The following NELL1 variants were observed in gnomAD, a reference collection of about 807,000 sequenced individuals.
The protein encoded by NELL1 is protein kinase C-binding protein NELL1.
NELL1 carries 76 observed loss-of-function variants against 107.4 expected under a neutral mutation model. The observed-to-expected ratio is 0.71, with a 90% CI of 0.59 to 0.86. The LOEUF is 0.86. NELL1 is among the 40% of genes least tolerant of loss of function. The pLI is 0.00. For missense variants in NELL1, 1,024 were observed against 1,005.5 expected, an observed-to-expected ratio of 1.02 and a Z score of -0.25; for synonymous variants, 353 against 341.2, an observed-to-expected ratio of 1.03 and a Z score of -0.38.
intron 2 of NELL1, among the ~76,000 whole-genome samples, chr11:20,754,471 G>A (rs1215898216): frequency 1.3e-5 from 2 of 152,050 alleles, no homozygotes; most frequent in Admixed American, 1.3e-4. Flanking sequence ...GCACGAACAC[G>A]TCACAGTTGT....
intron 2 of NELL1, among the ~76,000 whole-genome samples, chr11:20,705,634 G>C (rs1854927294): frequency 7.0e-6 from 1 of 142,270 alleles, no homozygotes; most frequent in Non-Finnish European, 1.6e-5. Context: ...AACACCAAAA[G>C]CAATGGCAAC....
intron 5 of NELL1, among the ~76,000 whole-genome samples, chr11:20,913,748 G>T (rs914980812): frequency 6.7e-6 from 1 of 148,624 alleles, no homozygotes; most frequent in Non-Finnish European, 1.5e-5. Context: ...GCACCTTAGG[G>T]ATTTATTTAA....
intron 17 of NELL1, among the ~76,000 whole-genome samples, chr11:21,566,553 C>T (rs1036078792): frequency 2.6e-5 from 4 of 151,764 alleles, no homozygotes; most frequent in Non-Finnish European, 5.9e-5. Context: ...ATTGAACTTG[C>T]AGTATAAAAT....
intron 15 of NELL1, among the ~76,000 whole-genome samples, chr11:21,502,940 T>C (rs1163997780): frequency 1.3e-5 from 2 of 152,220 alleles, no homozygotes; most frequent in East Asian, 1.9e-4. Flanking sequence ...TGGAGTGCAA[T>C]GGCATGATCT....
intron 4 of NELL1, among the ~76,000 whole-genome samples, chr11:20,878,955 C>A (rs891076202): frequency 6.6e-6 from 1 of 152,092 alleles, no homozygotes; most frequent in African/African-American, 2.4e-5. Context: ...GGAGACTGAC[C>A]AGGTGGTTAG....
chr11:21,169,950 G>T lies in NELL1; in HGVS notation c.1426+56236G>T, dbSNP rs1377606789. 2.7e-6 allele frequency: 4 copies of T among 1,456,980 alleles called. No homozygotes were observed. The African/African-American group carries it at 4.2e-5, about 15-fold the overall frequency. The allele number at this position is 1,456,980 out of a possible 1,614,324, so 90.3% of individuals were successfully genotyped here. On this transcript the variant is annotated intron_variant, in intron 13 of 19. Coordinates refer to ENST00000357134, the MANE Select transcript of NELL1 (RefSeq NM_006157.5). ...AGGAGGAAGTGCGGCTGGACCAAGA[G>T]CCCTCTCTTTGTAGGGGACAGGGAC... is the stretch of plus-strand genomic sequence containing the variant.
At chr11:20,707,589 G>A (rs1854999625) in intron 2 of NELL1, among the ~76,000 whole-genome samples, 2 of 152,350 alleles carry the variant, frequency 1.3e-5, no homozygotes, top group South Asian at 2.1e-4. Context: ...CCTTCTAACA[G>A]TCAGGACCCT....
chr11:21,496,000 GCTTT>G (rs1335528842), intron 15 of NELL1, among the ~76,000 whole-genome samples: 1 of 151,896 alleles, frequency 6.6e-6, no homozygotes, highest in African/African-American at 2.4e-5. Flanking sequence ...ACTTGTTATT[GCTTT>G]CTATTTTGAA....
intron 15 of NELL1, among the ~76,000 whole-genome samples, chr11:21,512,573 C>G (rs987395620): frequency 6.6e-6 from 1 of 152,124 alleles, no homozygotes; most frequent in Non-Finnish European, 1.5e-5. Flanking sequence ...TCTAATTCAA[C>G]TTTGTGCCCC....
chr11:21,422,053 C>A (rs1003697144), intron 15 of NELL1, among the ~76,000 whole-genome samples: 9 of 151,586 alleles, frequency 5.9e-5, no homozygotes, highest in Admixed American at 1.3e-4. Context: ...CTGGAAAAAA[C>A]CAACCTTCAT....
chr11:21,280,614 T>C (rs954460064), intron 14 of NELL1, among the ~76,000 whole-genome samples: 4 of 152,076 alleles, frequency 2.6e-5, no homozygotes, highest in African/African-American at 9.7e-5. Context: ...TGAACTTTAG[T>C]AACACCAGCC....
In NELL1 at chr11:21,148,883, T is replaced by C. The variant is rs138685457; in HGVS notation, c.1426+35169T>C. On this transcript the variant is annotated intron_variant, in intron 13 of 19. Transcript: ENST00000357134. ...ATATTACATTACCTTAGGGGCCACA[T>C]TGTGGTCCTGGAACATAAATTCTGC... 2.1e-3 allele frequency among the ~76,000 whole-genome samples: 320 copies of C among 152,312 alleles called. 1 individual carries two copies. Among genetic ancestry groups the C allele is most frequent in the African/African-American group, 7.3e-3 (303 of 41,568 alleles).
At position 20,960,430 on chromosome 11, in the gene NELL1, A is replaced by G; in HGVS notation, c.1172-2A>G. On this transcript the variant is annotated splice_acceptor_variant, in intron 11 of 19. Transcript: ENST00000357134. LOFTEE classifies it high-confidence loss of function. Reference sequence around the variant, plus strand: ...ATGTACGTTTTTATTTGTTTTTTCTAGGTCATAACTTTTGTGCAGAAGGAC... The same window carrying G: ...ATGTACGTTTTTATTTGTTTTTTCTGGGTCATAACTTTTGTGCAGAAGGAC... The G allele has an allele frequency of 2.5e-6, 4 of 1,611,904 alleles. No individual in the cohort carries two copies. Among genetic ancestry groups the G allele is most frequent in the Non-Finnish European group, 2.5e-6 (3 of 1,179,284 alleles).
chr11:21,272,674 T>C (rs939783912), intron 14 of NELL1, among the ~76,000 whole-genome samples: 15 of 152,292 alleles, frequency 9.8e-5, no homozygotes, highest in Non-Finnish European at 2.1e-4. Context: ...GACTGACACC[T>C]CACACGGCCT....
At chr11:21,278,048 TA>T (rs36110638) in intron 14 of NELL1, among the ~76,000 whole-genome samples, 132,799 of 151,448 alleles carry the variant, frequency 0.88, 58,671 homozygotes, top group Middle Eastern at 0.95. Context: ...TGAAGTATAA[TA>T]AAAAAAAAAG....
At chr11:21,097,229 A>T (rs1854665518) in intron 12 of NELL1, among the ~76,000 whole-genome samples, 1 of 152,094 alleles carries the variant, frequency 6.6e-6, no homozygotes, top group African/African-American at 2.4e-5. Context: ...TTTACCCTTC[A>T]TCCTGCTTTC....
At chr11:21,395,972 T>G (rs1444695644) in intron 15 of NELL1, among the ~76,000 whole-genome samples, 1 of 151,608 alleles carries the variant, frequency 6.6e-6, no homozygotes, top group African/African-American at 2.4e-5. Context: ...CCAAGTCAAT[T>G]CATGCAGACT....
intron 13 of NELL1, among the ~76,000 whole-genome samples, chr11:21,167,598 C>T (rs980199011): frequency 2.0e-5 from 3 of 151,944 alleles, no homozygotes; most frequent in African/African-American, 4.8e-5. Context: ...TGGCAATTGA[C>T]GAATACCTTA....
chr11:21,356,337 CT>C (rs1174549987), intron 14 of NELL1, among the ~76,000 whole-genome samples: 1 of 152,080 alleles, frequency 6.6e-6, no homozygotes, highest in Non-Finnish European at 1.5e-5. Flanking sequence ...GACTGTCTGC[CT>C]TTTTTCACCT....
Sources: gnomAD v4.1 joint callset for allele counts (sites outside exome capture counted in the v4.1 genomes callset) on GRCh38, gnomAD v4.1.1 for gene constraint, MANE v1.5 for transcripts, NCBI Gene and HGNC (gene_info 2026-07-23, HGNC 2026-07-21) for gene names.